Variants in KIAA1549 observed in about 807,000 individuals in gnomAD.
The protein encoded by KIAA1549 is KIAA1549, also known as UPF0606 protein KIAA1549.
A neutral mutation model predicts 156.4 loss-of-function variants in KIAA1549; 70 were observed. The ratio of observed to expected loss-of-function variants is 0.45; its 90% confidence interval spans 0.37 to 0.55. KIAA1549 has a LOEUF of 0.55. Among genes scored for constraint, KIAA1549 ranks in the 20% least tolerant of loss-of-function variants. KIAA1549 has a pLI of 0.00. For synonymous variants in KIAA1549, 1,103 were observed against 1,066.4 expected, an observed-to-expected ratio of 1.03 and a Z score of -0.67; for missense variants, 2,428 against 2,540.9, an observed-to-expected ratio of 0.96 and a Z score of 0.96.
In KIAA1549 at chr7:138,904,553, T is replaced by C. The variant is rs34368372; in HGVS notation, c.3520+469A>G. On this transcript the variant is annotated intron_variant, in intron 7 of 19. Transcript: ENST00000422774. The stretch of plus-strand genomic sequence containing the variant: ...TACGTAAGTACTGTTCAGACTTTTG[T>C]GCACTAGGTTAGAAAGGCCTTCAAC... Among the ~76,000 whole-genome samples, 188 of 149,270 alleles carry C rather than the reference T, an allele frequency of 1.3e-3. 1 individual carries two copies. The highest frequency in any genetic ancestry group is 2.7e-3 in the Admixed American group (40 of 14,840).
At chr7:138,906,820 ATCAAG>A in intron 6 of KIAA1549, 94 bp downstream of exon 6, 5 of 916,332 alleles carry the variant, frequency 5.5e-6, no homozygotes, top group Non-Finnish European at 6.3e-6. Context: ...TTTTTAAAAA[ATCAAG>A]TCTTTTAAAA....
At chr7:138,861,942 AG>A (rs1472704321) in intron 15 of KIAA1549, among the ~76,000 whole-genome samples, 2 of 152,156 alleles carry the variant, frequency 1.3e-5, no homozygotes. Flanking sequence ...GGCTTGAACC[AG>A]AAAAAAACTG....
chr7:138,918,620 T>C lies in KIAA1549; in HGVS notation c.1006A>G (p.Thr336Ala). The change falls in exon 2 of 20, where the codon ACC becomes GCC. Residue 336 changes from threonine (T) to alanine (A), a missense_variant. Physicochemically the swap from Thr to Ala is moderately conservative, Grantham distance 58 (BLOSUM62 0). Coordinates refer to ENST00000422774, the MANE Select transcript of KIAA1549 (RefSeq NM_001164665.2). The surrounding 1 kb of genome is among the most constrained non-coding windows in gnomAD (Gnocchi z 4.2). ...GTGGGGTATGTTCTTGGAGAGATGG[T>C]TTCTTCTAGGCTTTGACTCAACACA... ...TTVLSQSLEE[T>A]ISPRTYPTVT... is the part of the protein sequence containing the mutation. 6.2e-7 allele frequency: 1 copy of C among 1,613,870 alleles called. No individual in the cohort carries two copies. The highest frequency in any genetic ancestry group is 8.5e-7 in the Non-Finnish European group (1 of 1,179,882).
chr7:138,927,918 TTGTC>T (rs1409444310), intron 1 of KIAA1549, among the ~76,000 whole-genome samples: 1 of 151,288 alleles, frequency 6.6e-6, no homozygotes, highest in African/African-American at 2.4e-5. Flanking sequence ...TGCTATTGTC[TTGTC>T]TTTTTTTTTT....
rs774352738 is a variant in KIAA1549 at position 138,836,991 on chromosome 7, A to C, written c.*915T>G. On this transcript the variant is annotated 3_prime_UTR_variant, in exon 20 of 20. Coordinates refer to ENST00000422774, the MANE Select transcript of KIAA1549 (RefSeq NM_001164665.2). Reference sequence around the variant, plus strand: ...CAACAGCAAAGTGGAAGAAAGGATCAGTTAGGACCTCTTGAAAGCCGCATT... The same window carrying C: ...CAACAGCAAAGTGGAAGAAAGGATCCGTTAGGACCTCTTGAAAGCCGCATT... The C allele has an allele frequency of 4.4e-6, 1 of 228,736 alleles. No individual in the cohort carries two copies. The highest frequency in any genetic ancestry group is 8.7e-6 in the Non-Finnish European group (1 of 115,368). The allele number at this position is 228,736 out of a possible 1,614,324, so 14.2% of individuals were successfully genotyped here.
intron 1 of KIAA1549, among the ~76,000 whole-genome samples, chr7:138,962,777 C>T (rs1813892709): frequency 6.6e-6 from 1 of 152,208 alleles, no homozygotes; most frequent in African/African-American, 2.4e-5. Context: ...TAAACCATTA[C>T]TGTTTTCAAC....
At chr7:138,842,362 C>G (rs940403851) in intron 18 of KIAA1549, among the ~76,000 whole-genome samples, 2 of 152,208 alleles carry the variant, frequency 1.3e-5, no homozygotes, top group African/African-American at 2.4e-5. Flanking sequence ...TACCGCTGAG[C>G]CTTGATTCCT....
chr7:138,866,748 C>T (rs974611769), intron 15 of KIAA1549, among the ~76,000 whole-genome samples: 1 of 152,218 alleles, frequency 6.6e-6, no homozygotes, highest in African/African-American at 2.4e-5. Context: ...CAATAACTGC[C>T]TTTAACACTT....
At chr7:138,888,055 G>A (rs1331405599) in intron 10 of KIAA1549, among the ~76,000 whole-genome samples, 2 of 152,314 alleles carry the variant, frequency 1.3e-5, no homozygotes, top group East Asian at 1.9e-4. Context: ...TGCTTTATCT[G>A]TCTATGTGAC....
At position 138,879,629 on chromosome 7, in the gene KIAA1549, A is replaced by G. The variant is rs368898050; in HGVS notation, c.4254T>C (p.Ser1418=). The G allele has an allele frequency of 1.3e-6, 2 of 1,555,816 alleles. No homozygotes were observed. The change falls in exon 12 of 20, where the codon TCT becomes TCC. Residue 1418 remains serine, a synonymous_variant. Coordinates refer to ENST00000422774, the MANE Select transcript of KIAA1549 (RefSeq NM_001164665.2). ...RGRVSPSDAD[S]TVSEESSERD... The stretch of plus-strand genomic sequence containing the variant: ...TCTCGCTGGACTCTTCACTGACCGT[A>G]GAGTCAGCATCTGAGGGAGAAACTC...
At chr7:138,877,782 T>A (rs1356087767) in intron 12 of KIAA1549, among the ~76,000 whole-genome samples, 1 of 152,230 alleles carries the variant, frequency 6.6e-6, no homozygotes, top group East Asian at 1.9e-4. Flanking sequence ...TCTAATTCGC[T>A]TCTTTCCTTC....
intron 10 of KIAA1549, among the ~76,000 whole-genome samples, chr7:138,892,551 C>T (rs900570673): frequency 1.3e-5 from 2 of 152,076 alleles, no homozygotes; most frequent in African/African-American, 2.4e-5. Flanking sequence ...ATAACAAGAA[C>T]AACAAAAGAA....
At chr7:138,961,213 T>C (rs1485507614) in intron 1 of KIAA1549, among the ~76,000 whole-genome samples, 1 of 152,212 alleles carries the variant, frequency 6.6e-6, no homozygotes, top group African/African-American at 2.4e-5. Context: ...GTCTCAAGAC[T>C]TGAAGTTTGG....
intron 2 of KIAA1549, among the ~76,000 whole-genome samples, 177 bp from the exon 3 acceptor site, chr7:138,912,637 C>T (rs1812202391): frequency 6.6e-6 from 1 of 151,922 alleles, no homozygotes; most frequent in Admixed American, 6.6e-5. Flanking sequence ...CTGCTAACTA[C>T]CTGGAGAAGA....
At chr7:138,886,931 T>A (rs12538169) in intron 10 of KIAA1549, among the ~76,000 whole-genome samples, 1 of 151,910 alleles carries the variant, frequency 6.6e-6, no homozygotes, top group Non-Finnish European at 1.5e-5. Flanking sequence ...AGATGGAGTC[T>A]CACTCTGTTG....
At chr7:138,871,674 G>T (rs1489876792) in intron 12 of KIAA1549, among the ~76,000 whole-genome samples, 1 of 152,194 alleles carries the variant, frequency 6.6e-6, no homozygotes, top group African/African-American at 2.4e-5. Flanking sequence ...AAGAATATAG[G>T]ACAGAAGGAG....
At chr7:138,906,886 C>G in intron 6 of KIAA1549, 33 bp downstream of exon 6, 2 of 1,387,704 alleles carry the variant, frequency 1.4e-6, no homozygotes, top group Non-Finnish European at 1.9e-6. Flanking sequence ...CCCGCCATCA[C>G]CTCCCCAGCA....
At position 138,858,727 on chromosome 7, in the gene KIAA1549, A is replaced by G. The variant is rs111359400; in HGVS notation, c.5247+2412T>C. Among the ~76,000 whole-genome samples, 1,456 of 152,252 alleles carry G rather than the reference A, an allele frequency of 9.6e-3. 17 individuals are homozygous for G. The highest frequency in any genetic ancestry group is 0.033 in the African/African-American group (1,388 of 41,558). ...TCAGGCTGCCAAAACAAAATACCTTAGAAATGGTGGCCTAAAACAACAGAA... is the reference window on the plus strand; with the variant it reads ...TCAGGCTGCCAAAACAAAATACCTTGGAAATGGTGGCCTAAAACAACAGAA... On this transcript the variant is annotated intron_variant, in intron 16 of 19. Transcript: ENST00000422774.
In KIAA1549 at chr7:138,871,073, C is replaced by T. The variant is rs112477118; in HGVS notation, c.4551+84G>A. ...CTCAGGCGATCTGCCTGCCTTGGCC[C>T]CCCCAAGTGCTGGGATTACAGGCAT... On this transcript the variant is annotated intron_variant, in intron 13 of 19. Coordinates refer to ENST00000422774, the MANE Select transcript of KIAA1549 (RefSeq NM_001164665.2). The T allele has an allele frequency of 4.1e-3, 5,505 of 1,332,394 alleles. 110 individuals are homozygous for T. The African/African-American group carries it at 0.061, about 15-fold the overall frequency. 82.5% of individuals were successfully genotyped at this position (1,332,394 alleles called of 1,614,324 possible). A position where few individuals can be genotyped will look rare whatever the true frequency, so the allele number is the denominator to read the frequency against.
Sources: allele counts gnomAD v4.1 joint callset (sites outside exome capture counted in the v4.1 genomes callset), GRCh38; gene constraint gnomAD v4.1.1; non-coding constraint Gnocchi (gnomAD v3.1); transcripts MANE v1.5; gene names NCBI Gene and HGNC (gene_info 2026-07-23, HGNC 2026-07-21).